Variants in MCFD2 observed in about 807,000 individuals in gnomAD.
MCFD2 encodes multiple coagulation factor deficiency protein 2.
MCFD2 carries 11 observed loss-of-function variants against 12.8 expected under a neutral mutation model. The observed-to-expected ratio is 0.86, with a 90% CI of 0.54 to 1.42. The LOEUF (loss-of-function observed/expected upper bound fraction) is 1.42. Ranked by LOEUF, MCFD2 falls within the 40% of genes most tolerant of loss-of-function variation. The pLI, the probability that MCFD2 is intolerant of heterozygous loss-of-function variation, is 0.00. For synonymous variants in MCFD2, 70 were observed against 68.1 expected, an observed-to-expected ratio of 1.03 and a Z score of -0.14; for missense variants, 191 against 178.6, an observed-to-expected ratio of 1.07 and a Z score of -0.40.
chr2:46,911,454 TA>T (rs771486553), intron 1 of MCFD2, among the ~76,000 whole-genome samples: 964 of 133,014 alleles, frequency 7.2e-3, no homozygotes, highest in Admixed American at 7.4e-3. Flanking sequence ...ATCTGTAGTT[TA>T]AAAAAAAAAA....
At chr2:46,915,366 G>A (rs1004175766) in intron 1 of MCFD2, among the ~76,000 whole-genome samples, 3 of 152,040 alleles carry the variant, frequency 2.0e-5, no homozygotes, top group Non-Finnish European at 4.4e-5. Context: ...CCCGAGAGAG[G>A]GAACAAGGAG....
intron 3 of MCFD2, 77 bp from the exon 4 acceptor site, chr2:46,905,671 A>G: frequency 2.0e-6 from 2 of 1,010,150 alleles, no homozygotes; most frequent in East Asian, 5.1e-5. Flanking sequence ...CAAAATATCC[A>G]TGTTCTTTCA....
chr2:46,910,022 CG>C (rs1272422497), intron 1 of MCFD2, among the ~76,000 whole-genome samples: 2 of 152,120 alleles, frequency 1.3e-5, no homozygotes, highest in African/African-American at 4.8e-5. Context: ...TCAAGGTCTG[CG>C]GCAGCGGACA....
chr2:46,927,845 A>G (rs995759292), intron 1 of MCFD2, among the ~76,000 whole-genome samples: 4 of 146,606 alleles, frequency 2.7e-5, no homozygotes, highest in Non-Finnish European at 4.5e-5. Flanking sequence ...TGAGTGATTT[A>G]TCCACCAGCA....
intron 1 of MCFD2, among the ~76,000 whole-genome samples, chr2:46,935,265 C>T (rs903406613): frequency 5.9e-5 from 9 of 152,080 alleles, no homozygotes; most frequent in South Asian, 2.1e-4. Flanking sequence ...AACTGTTCCT[C>T]CCCACACTCT....
At chr2:46,915,875 G>A (rs1668748908), upstream of MCFD2, 1 of 974,882 alleles carries the variant, frequency 1.0e-6, no homozygotes, top group Non-Finnish European at 1.2e-6. Context: ...CATTGGCGCC[G>A]CCGGGCCCCT....
chr2:46,930,497 ATTT>A (rs575100979), intron 1 of MCFD2, among the ~76,000 whole-genome samples: 2 of 132,054 alleles, frequency 1.5e-5, no homozygotes, highest in Non-Finnish European at 3.2e-5. Flanking sequence ...AAGTCCTATA[ATTT>A]TTTTTTTTTT....
At chr2:46,920,176 T>C (rs966435390), upstream of MCFD2, among the ~76,000 whole-genome samples, 1 of 152,196 alleles carries the variant, frequency 6.6e-6, no homozygotes, top group Non-Finnish European at 1.5e-5. Context: ...AAGGTATATA[T>C]ATTAATTATG....
At chr2:46,910,004 G>A (rs1450219972) in intron 1 of MCFD2, among the ~76,000 whole-genome samples, 2 of 152,168 alleles carry the variant, frequency 1.3e-5, no homozygotes, top group Non-Finnish European at 2.9e-5. Flanking sequence ...GTGGTAAGGC[G>A]GGTCAGATCA....
chr2:46,914,117 G>A (rs772810599), intron 1 of MCFD2: 2 of 152,348 alleles, frequency 1.3e-5, no homozygotes, highest in Non-Finnish European at 2.9e-5. Context: ...AATCAGGGAA[G>A]TGAGTCTTGG....
intron 3 of MCFD2, among the ~76,000 whole-genome samples, chr2:46,906,475 ATTTTTTTTTTTTTTTT>A (rs70940646): frequency 1.1e-5 from 1 of 91,702 alleles, no homozygotes; most frequent in East Asian, 4.7e-4. Flanking sequence ...AGGCACGAGG[ATTTTTTTTTTTTTTTT>A]TTTTTTTTTT....
intron 1 of MCFD2, among the ~76,000 whole-genome samples, chr2:46,925,368 G>A (rs1313778139): frequency 6.6e-6 from 1 of 152,112 alleles, no homozygotes; most frequent in Non-Finnish European, 1.5e-5. Flanking sequence ...GACTAACCTA[G>A]CCAACATGGT....
chr2:46,910,741 G>A (rs1328771720), intron 1 of MCFD2: 1 of 152,178 alleles, frequency 6.6e-6, no homozygotes, highest in African/African-American at 2.4e-5. Context: ...TCACTGGGAT[G>A]TCTAACTTCC....
At chr2:46,935,781 AG>A (rs1669947277) in intron 1 of MCFD2, among the ~76,000 whole-genome samples, 2 of 152,086 alleles carry the variant, frequency 1.3e-5, no homozygotes, top group African/African-American at 4.8e-5. Context: ...ATTGGACCCA[AG>A]CTCCAATTTC....
At chr2:46,938,611 T>G (rs1187347701) in intron 1 of MCFD2, among the ~76,000 whole-genome samples, 3 of 152,242 alleles carry the variant, frequency 2.0e-5, no homozygotes, top group Admixed American at 6.5e-5. Flanking sequence ...CTAATTTGGA[T>G]ATTGATTTAT....
chr2:46,941,652 G>A lies in MCFD2; in HGVS notation c.-88C>T. On this transcript the variant is annotated 5_prime_UTR_variant, in exon 1 of 3. Coordinates refer to the MCFD2 transcript ENST00000409147. The surrounding 1 kb of genome is among the most constrained non-coding windows in gnomAD (Gnocchi z 4.2). ...TGCCGGAGCTGGTCCGGCAGCTGCAGACGCTGAGCATGCCCGGCGGCGGAG... is the reference window on the plus strand; with the variant it reads ...TGCCGGAGCTGGTCCGGCAGCTGCAAACGCTGAGCATGCCCGGCGGCGGAG... 6.4e-7 allele frequency: 1 copy of A among 1,552,620 alleles called. No individual in the cohort carries two copies. The highest frequency in any genetic ancestry group is 8.7e-7 in the Non-Finnish European group (1 of 1,148,418).
At chr2:46,910,470 T>C (rs770642231) in intron 1 of MCFD2, among the ~76,000 whole-genome samples, 5 of 152,176 alleles carry the variant, frequency 3.3e-5, no homozygotes, top group Non-Finnish European at 7.3e-5. Context: ...AAACCAGCAG[T>C]GGTAAAGACA....
chr2:46,936,575 T>G (rs1038079342), intron 1 of MCFD2, among the ~76,000 whole-genome samples: 9 of 152,164 alleles, frequency 5.9e-5, no homozygotes, highest in African/African-American at 1.9e-4. Flanking sequence ...ATTCGCAGAC[T>G]CTCATGGTTC....
chr2:46,928,751 T>C (rs1198506877), intron 1 of MCFD2, among the ~76,000 whole-genome samples: 1 of 149,878 alleles, frequency 6.7e-6, no homozygotes, highest in Non-Finnish European at 1.5e-5. Flanking sequence ...GCGTGGGTAA[T>C]GTGAGACTGT....
Sources: gnomAD v4.1 joint callset for allele counts (sites outside exome capture counted in the v4.1 genomes callset) on GRCh38, gnomAD v4.1.1 for gene constraint, Gnocchi (gnomAD v3.1) non-coding constraint, MANE v1.5 for transcripts, NCBI Gene and HGNC (gene_info 2026-07-23, HGNC 2026-07-21) for gene names.